MLLT3: variants seen among roughly 807,000 people sequenced by gnomAD.
MLLT3 encodes MLLT3 super elongation complex subunit.
Under a neutral mutation model 53.2 loss-of-function variants are expected in MLLT3, and 4 were observed. That is an observed-to-expected ratio of 0.08 (90% CI 0.04 to 0.17). The LOEUF (loss-of-function observed/expected upper bound fraction) is 0.17. Among genes scored for constraint, MLLT3 ranks in the 10% least tolerant of loss-of-function variants. The pLI is 1.00. For missense variants in MLLT3, 569 were observed against 684.0 expected, an observed-to-expected ratio of 0.83 and a Z score of 1.87; for synonymous variants, 283 against 230.6, an observed-to-expected ratio of 1.23 and a Z score of -2.06.
At position 20,344,144 on chromosome 9, in the gene MLLT3, T is replaced by A. The variant is rs547341590; in HGVS notation, c.*2299A>T. 5.1e-6 allele frequency: 1 copy of A among 195,024 alleles called. No homozygotes were observed. The highest frequency in any genetic ancestry group is 8.3e-5 in the East Asian group (1 of 12,094). 12.1% of individuals were successfully genotyped at this position (195,024 alleles called of 1,614,324 possible). A position where few individuals can be genotyped will look rare whatever the true frequency, so the allele number is the denominator to read the frequency against. ...TTCAAGTCTAAAGTTTATCATATAA[T>A]AGCTGTCCTTCTTATCATTATTTTT... On this transcript the variant is annotated 3_prime_UTR_variant, in exon 11 of 11. Coordinates refer to ENST00000380338, the MANE Select transcript of MLLT3 (RefSeq NM_004529.4).
chr9:20,566,085 A>AAT (rs1168215799), intron 2 of MLLT3, among the ~76,000 whole-genome samples: 92 of 83,654 alleles, frequency 1.1e-3, no homozygotes, highest in African/African-American at 3.2e-3. Flanking sequence ...TATATATATA[A>AAT]ATATATATAT....
At chr9:20,570,045 G>A (rs997201903) in intron 2 of MLLT3, among the ~76,000 whole-genome samples, 4 of 152,150 alleles carry the variant, frequency 2.6e-5, no homozygotes, top group Non-Finnish European at 5.9e-5. Flanking sequence ...AAACTGTGGG[G>A]ATTTAGCTCA....
At chr9:20,397,946 T>G (rs1370002868) in intron 5 of MLLT3, among the ~76,000 whole-genome samples, 1 of 152,120 alleles carries the variant, frequency 6.6e-6, no homozygotes, top group African/African-American at 2.4e-5. Flanking sequence ...GACCCTAATT[T>G]TTAGGGGAAC....
chr9:20,461,396 T>C (rs1432944402), intron 2 of MLLT3, among the ~76,000 whole-genome samples: 2 of 152,054 alleles, frequency 1.3e-5, no homozygotes, highest in East Asian at 1.9e-4. Flanking sequence ...ATCTGGCAAA[T>C]TTGCAATAAG....
intron 2 of MLLT3, among the ~76,000 whole-genome samples, chr9:20,576,622 G>A (rs143703227): frequency 1.6e-4 from 25 of 152,170 alleles, no homozygotes; most frequent in Admixed American, 1.0e-3. Flanking sequence ...TATCTAGTTC[G>A]CCATCTTATA....
intron 2 of MLLT3, among the ~76,000 whole-genome samples, chr9:20,546,328 C>T (rs776458138): frequency 3.3e-5 from 5 of 151,982 alleles, no homozygotes; most frequent in African/African-American, 4.8e-5. Context: ...GGCTTGAGGC[C>T]CAGAGTTTGA....
rs1043136688 is a variant in MLLT3 at position 20,342,711 on chromosome 9, G to A, written c.*3732C>T. 15 of 207,880 alleles carry A rather than the reference G, an allele frequency of 7.2e-5. No homozygotes were observed. The highest frequency in any genetic ancestry group is 3.0e-4 in the Admixed American group (5 of 16,874). 12.9% of individuals were successfully genotyped at this position (207,880 alleles called of 1,614,324 possible). ...GTCAAAAGATGTAGACTTCCAGCCC[G>A]AGACTAAACTAAACCATGGGAATTG... is the stretch of plus-strand genomic sequence containing the variant. On this transcript the variant is annotated 3_prime_UTR_variant, in exon 11 of 11. Coordinates refer to ENST00000380338, the MANE Select transcript of MLLT3 (RefSeq NM_004529.4).
chr9:20,603,376 A>C (rs2131200137), intron 2 of MLLT3, among the ~76,000 whole-genome samples: 1 of 152,194 alleles, frequency 6.6e-6, no homozygotes, highest in Admixed American at 6.6e-5. Flanking sequence ...GCAACTTAGT[A>C]CTAAATTTCC....
chr9:20,359,526 C>T (rs1293141054), intron 8 of MLLT3, among the ~76,000 whole-genome samples: 1 of 152,220 alleles, frequency 6.6e-6, no homozygotes, highest in African/African-American at 2.4e-5. Context: ...TGAACTGTAA[C>T]TGGTACAACA....
In MLLT3 at chr9:20,621,744, C is replaced by T; in HGVS notation, c.12+501G>A. On this transcript the variant is annotated intron_variant, in intron 1 of 10. Transcript: ENST00000380338. This position sits in a 1 kb window ranked among gnomAD's most constrained non-coding sequence, Gnocchi z 7.0. ...CCGCTGTCAGCCCCGCACACTTCGG[C>T]TCACACACGCGCGCCGCGGAGAACG... The T allele has an allele frequency of 1.3e-6, 2 of 1,491,574 alleles. No individual in the cohort carries two copies. Among genetic ancestry groups the T allele is most frequent in the Non-Finnish European group, 1.8e-6 (2 of 1,128,460 alleles). The allele number at this position is 1,491,574 out of a possible 1,614,324, so 92.4% of individuals were successfully genotyped here. A position where few individuals can be genotyped will look rare whatever the true frequency, so the allele number is the denominator to read the frequency against.
intron 8 of MLLT3, among the ~76,000 whole-genome samples, chr9:20,360,443 T>C (rs373226766): frequency 1.3e-5 from 2 of 152,196 alleles, no homozygotes; most frequent in African/African-American, 2.4e-5. Flanking sequence ...TACTTACTGC[T>C]GAAGTGTAAA....
Position 20,448,091 on chromosome 9 carries a change from AG to A in MLLT3, c.420+31del, listed in dbSNP as rs761285424. On this transcript the variant is annotated intron_variant, in intron 4 of 10. Coordinates refer to ENST00000380338, the MANE Select transcript of MLLT3 (RefSeq NM_004529.4). The surrounding 1 kb of genome is among the most constrained non-coding windows in gnomAD (Gnocchi z 4.0). ...TTTTTTGTTGTTGTTGTTTTTTAAT[AG>A]GAATGCTTTTCACAAGAGAGTGCCA... The A allele has an allele frequency of 3.2e-6, 5 of 1,575,460 alleles. No homozygotes were observed. In the African/African-American group the frequency reaches 5.5e-5, roughly 17 times the overall value.
intron 10 of MLLT3, among the ~76,000 whole-genome samples, chr9:20,351,833 G>C (rs1449141581): frequency 6.6e-6 from 1 of 152,168 alleles, no homozygotes; most frequent in African/African-American, 2.4e-5. Context: ...TTTACAAAAG[G>C]AATTAATTAA....
chr9:20,379,721 C>T (rs1220197138), intron 5 of MLLT3, among the ~76,000 whole-genome samples: 1 of 152,032 alleles, frequency 6.6e-6, no homozygotes, highest in Non-Finnish European at 1.5e-5. Context: ...TATACACACA[C>T]ACATACTCAC....
At chr9:20,385,595 C>T (rs866547950) in intron 5 of MLLT3, among the ~76,000 whole-genome samples, 1 of 151,932 alleles carries the variant, frequency 6.6e-6, no homozygotes, top group Admixed American at 6.6e-5. Flanking sequence ...TTTTCCAAGT[C>T]CAAAAAGATT....
chr9:20,489,668 A>C (rs1824898365), intron 2 of MLLT3, among the ~76,000 whole-genome samples: 4 of 152,230 alleles, frequency 2.6e-5, no homozygotes, highest in Admixed American at 2.6e-4. Context: ...CATGGCTAAG[A>C]GTACCTAAAA....
Position 20,363,565 on chromosome 9 carries a change from G to C in MLLT3, c.1242C>G (p.Asp414Glu). Reference protein sequence around the residue: ...RSIMKDLHSDDNEEESDEVED... With the variant: ...RSIMKDLHSDENEEESDEVED... Reference sequence around the variant, plus strand: ...CCACTTCATCTGATTCCTCCTCATTGTCATCAGAATGCAGATCTTTCATTA... The same window carrying C: ...CCACTTCATCTGATTCCTCCTCATTCTCATCAGAATGCAGATCTTTCATTA... Residue 414 changes from aspartate (D) to glutamate (E), a missense_variant, in exon 7 of 11, where the codon GAC becomes GAG. This residue lies in a region of MLLT3 where 437 missense variants were observed against 376.5 expected (regional missense o/e 1.16). Coordinates refer to ENST00000380338, the MANE Select transcript of MLLT3 (RefSeq NM_004529.4). The C allele has an allele frequency of 6.2e-7, 1 of 1,613,908 alleles. No homozygotes were observed. Among genetic ancestry groups the C allele is most frequent in the Non-Finnish European group, 8.5e-7 (1 of 1,179,954 alleles).
chr9:20,439,054 T>C (rs1586949769), intron 4 of MLLT3, among the ~76,000 whole-genome samples: 2 of 152,090 alleles, frequency 1.3e-5, no homozygotes, highest in East Asian at 3.9e-4. Flanking sequence ...CAATAATCTA[T>C]ATTAAATTAC....
Position 20,502,989 on chromosome 9 carries a change from T to C in MLLT3, c.194-46203A>G, listed in dbSNP as rs1049497871. On this transcript the variant is annotated intron_variant, in intron 2 of 10. Transcript: ENST00000380338. ...AGAACAGAATGCTTAGGAAAAAATT[T>C]AAACCAAGAAGTTGAAAGACCTGTA... is the stretch of plus-strand genomic sequence containing the variant. Among the ~76,000 whole-genome samples the C allele has an allele frequency of 3.9e-5, 6 of 152,120 alleles. 1 individual carries two copies. Among genetic ancestry groups the C allele is most frequent in the Non-Finnish European group, 7.4e-5 (5 of 68,018 alleles).
Sources: gnomAD v4.1 joint callset for allele counts (sites outside exome capture counted in the v4.1 genomes callset) on GRCh38, gnomAD v4.1.1 for gene constraint, gnomAD v4.1.1 regional missense constraint, Gnocchi (gnomAD v3.1) non-coding constraint, MANE v1.5 for transcripts, NCBI Gene and HGNC (gene_info 2026-07-23, HGNC 2026-07-21) for gene names.